CLTCL1: variants seen among roughly 807,000 people sequenced by gnomAD.
CLTCL1 encodes the protein clathrin heavy chain like 1.
CLTCL1 carries 159 observed loss-of-function variants against 190.0 expected under a neutral mutation model. The observed-to-expected ratio is 0.84, with a 90% CI of 0.74 to 0.95. The LOEUF (loss-of-function observed/expected upper bound fraction) is 0.95. CLTCL1 is among the 40% of genes least tolerant of loss of function. The pLI, the probability that CLTCL1 is intolerant of heterozygous loss-of-function variation, is 0.00. For synonymous variants in CLTCL1, 752 were observed against 769.6 expected, an observed-to-expected ratio of 0.98 and a Z score of 0.38; for missense variants, 1,878 against 2,033.4, an observed-to-expected ratio of 0.92 and a Z score of 1.47.
At chr22:19,280,747 A>T (rs2087678164) in intron 1 of CLTCL1, among the ~76,000 whole-genome samples, 1 of 138,272 alleles carries the variant, frequency 7.2e-6, no homozygotes, top group South Asian at 2.6e-4. Context: ...TGAACCCAGG[A>T]GGTGGAGGTT....
chr22:19,278,878 A>T (rs545787645), intron 1 of CLTCL1, among the ~76,000 whole-genome samples: 1 of 152,258 alleles, frequency 6.6e-6, no homozygotes, highest in African/African-American at 2.4e-5. Context: ...GGTAGCTGGG[A>T]TTACAGGCAC....
intron 22 of CLTCL1, among the ~76,000 whole-genome samples, chr22:19,204,438 T>A (rs1555941652): frequency 1.3e-5 from 2 of 152,148 alleles, no homozygotes; most frequent in African/African-American, 4.8e-5. Context: ...AACCAGAATG[T>A]CCACTGTCAC....
chr22:19,257,081 T>C (rs1045452995), intron 2 of CLTCL1, among the ~76,000 whole-genome samples: 1 of 152,122 alleles, frequency 6.6e-6, no homozygotes, highest in African/African-American at 2.4e-5. Context: ...TTTATAAAAA[T>C]AGAAAAATCC....
intron 2 of CLTCL1, among the ~76,000 whole-genome samples, chr22:19,261,011 T>C (rs953803574): frequency 3.9e-5 from 6 of 151,982 alleles, no homozygotes; most frequent in African/African-American, 7.2e-5. Context: ...GACGGAGATA[T>C]ACAAGGAGAT....
At chr22:19,182,951 T>TC (rs2084189366) in intron 30 of CLTCL1, 1 of 221,428 alleles carries the variant, frequency 4.5e-6, no homozygotes, top group South Asian at 7.1e-5. Flanking sequence ...CTGTGAATAC[T>TC]CCTACTATGT....
At chr22:19,276,828 C>A (rs1418143244) in intron 1 of CLTCL1, among the ~76,000 whole-genome samples, 1 of 152,246 alleles carries the variant, frequency 6.6e-6, no homozygotes, top group South Asian at 2.1e-4. Flanking sequence ...CGCCACCACG[C>A]CTGGCTATTT....
rs1474925834 is a variant in CLTCL1 at position 19,184,456 on chromosome 22, A to G, written c.4606-845T>C. 5 of 455,762 alleles carry G rather than the reference A, an allele frequency of 1.1e-5. No homozygotes were observed. The Admixed American group carries it at 1.2e-4, about 11-fold the overall frequency. 28.2% of individuals were successfully genotyped at this position (455,762 alleles called of 1,614,324 possible). A position where few individuals can be genotyped will look rare whatever the true frequency, so the allele number is the denominator to read the frequency against. On this transcript the variant is annotated intron_variant, in intron 29 of 32. Coordinates refer to ENST00000427926, the MANE Select transcript of CLTCL1 (RefSeq NM_007098.4). ...CAGTGCCCACATCTGCATGGACCCG[A>G]TGTGCTGAGCTGGCTCCGGAAAGAA...
chr22:19,256,347 C>CT (rs2086751115), intron 2 of CLTCL1, among the ~76,000 whole-genome samples: 1 of 126,482 alleles, frequency 7.9e-6, no homozygotes, highest in East Asian at 2.3e-4. Flanking sequence ...TTTTCTTTTT[C>CT]TTTTATCTTT....
rs564005343 is a variant in CLTCL1, at chr22:19,255,632, G to A, written c.251-1405C>T. Among the ~76,000 whole-genome samples the A allele has an allele frequency of 1.6e-4, 24 of 152,004 alleles. 1 individual carries two copies. Among genetic ancestry groups the A allele is most frequent in the Middle Eastern group, 6.8e-3 (2 of 294 alleles). On this transcript the variant is annotated intron_variant, in intron 2 of 32. Transcript: ENST00000427926. The stretch of plus-strand genomic sequence containing the variant: ...GGAAATATAAAAAAGAATTCAGGCC[G>A]GGCATGGTGGCTCACGCCTGTAATC...
intron 2 of CLTCL1, among the ~76,000 whole-genome samples, chr22:19,260,230 C>G (rs1224846025): frequency 1.3e-5 from 2 of 152,190 alleles, no homozygotes; most frequent in Non-Finnish European, 2.9e-5. Flanking sequence ...GCAGCAAGTT[C>G]TGATGCAGAA....
At position 19,223,910 on chromosome 22, in the gene CLTCL1, C is replaced by T. The variant is rs782112307; in HGVS notation, c.2273G>A (p.Arg758His). 9.3e-6 allele frequency: 15 copies of T among 1,613,706 alleles called. No individual in the cohort carries two copies. The highest frequency in any genetic ancestry group is 5.0e-5 in the Admixed American group (3 of 60,006). The change falls in exon 14 of 33, where the codon CGT (arginine) becomes CAT (histidine). Residue 758 changes from arginine (R) to histidine (H), a missense_variant. Coordinates refer to ENST00000427926, the MANE Select transcript of CLTCL1 (RefSeq NM_007098.4). ...ACACACCTTCAGGAAGTTCTTCACA[C>T]GCTCTGGGTTGTAGCAGCTGCTCTC... ...CRESSCYNPE[R>H]VKNFLKEAKL...
At chr22:19,271,353 T>G (rs1053193485) in intron 2 of CLTCL1, among the ~76,000 whole-genome samples, 4 of 152,038 alleles carry the variant, frequency 2.6e-5, no homozygotes, top group Admixed American at 2.6e-4. Flanking sequence ...CTGGTGATAG[T>G]GAGTGAGTTC....
chr22:19,183,991 G>T, intron 29 of CLTCL1: 1 of 330,522 alleles, frequency 3.0e-6, no homozygotes, highest in African/African-American at 2.1e-5. Flanking sequence ...CAGGGGAGCA[G>T]TTAGGAGGGG....
rs1315130003 is a variant in CLTCL1 at position 19,254,013 on chromosome 22, G to A, written c.465C>T (p.His155=). ...ACTTCTGGTACTCATCAGTCCGGTAGTGAATCACCTGGCAGCCCACCAGAC... is the reference window on the plus strand; with the variant it reads ...ACTTCTGGTACTCATCAGTCCGGTAATGAATCACCTGGCAGCCCACCAGAC... The part of the protein sequence containing the change: ...HTSLVGCQVI[H]YRTDEYQKWL... Residue 155 remains histidine (H), a synonymous_variant, in exon 3 of 33, where the codon CAC becomes CAT. Transcript: ENST00000427926. 2 of 1,613,048 alleles carry A rather than the reference G, an allele frequency of 1.2e-6. No individual in the cohort carries two copies.
At chr22:19,195,221 G>A (rs2084656983) in intron 26 of CLTCL1, among the ~76,000 whole-genome samples, 1 of 152,206 alleles carries the variant, frequency 6.6e-6, no homozygotes, top group South Asian at 2.1e-4. Flanking sequence ...CCAGGCCACA[G>A]TAAGGTATGA....
chr22:19,202,690 T>C (rs912630696), intron 22 of CLTCL1, among the ~76,000 whole-genome samples: 2 of 135,770 alleles, frequency 1.5e-5, no homozygotes, highest in African/African-American at 5.6e-5. Flanking sequence ...ATAGCACCTC[T>C]ACTGCCACCC....
intron 26 of CLTCL1, 90 bp from the exon 27 acceptor site, chr22:19,191,525 T>C: frequency 6.7e-7 from 1 of 1,500,872 alleles, no homozygotes. Context: ...GACACTTTAC[T>C]ACTGAGGCCT....
At chr22:19,232,365 A>G in intron 10 of CLTCL1, 111 bp downstream of exon 10, 1 of 1,444,456 alleles carries the variant, frequency 6.9e-7, no homozygotes, top group Non-Finnish European at 9.5e-7. Flanking sequence ...CTGCAAGATT[A>G]ATAGCAGATG....
intron 17 of CLTCL1, among the ~76,000 whole-genome samples, chr22:19,220,673 C>T (rs1033460351): frequency 2.6e-5 from 4 of 152,302 alleles, no homozygotes; most frequent in Middle Eastern, 6.8e-3. Flanking sequence ...GCGGCGTGCA[C>T]ACGTGCTTGC....
Sources: allele counts gnomAD v4.1 joint callset (sites outside exome capture counted in the v4.1 genomes callset), GRCh38; gene constraint gnomAD v4.1.1; transcripts MANE v1.5; gene names NCBI Gene and HGNC (gene_info 2026-07-23, HGNC 2026-07-21).